The following GPR176 variants were observed in gnomAD, a reference collection of about 807,000 sequenced individuals.
GPR176 encodes G-protein coupled receptor 176.
Under a neutral mutation model 35.4 loss-of-function variants are expected in GPR176, and 26 were observed. The ratio of observed to expected loss-of-function variants is 0.74; its 90% CI spans 0.54 to 1.02. The LOEUF (loss-of-function observed/expected upper bound fraction) is 1.02, where lower values mean the gene tolerates loss of function less well. Among genes scored for constraint, GPR176 ranks in the 50% least tolerant of loss-of-function variants. The probability of loss-of-function intolerance (pLI) is 0.00; values close to 1 mark genes in which losing one functional copy is unlikely to be tolerated. For missense variants in GPR176, 597 were observed against 665.3 expected (o/e 0.90, Z 1.13); for synonymous variants, 278 against 271.3 (o/e 1.02, Z -0.24).
At chr15:39,860,331 G>C (rs1458051045) in intron 1 of GPR176, among the ~76,000 whole-genome samples, 2 of 152,206 alleles carry the variant, frequency 1.3e-5, no homozygotes, top group East Asian at 3.8e-4. Flanking sequence ...TCGATGCTGG[G>C]AAAAAGCACA....
intron 1 of GPR176, among the ~76,000 whole-genome samples, chr15:39,825,130 C>T (rs559339576): frequency 3.3e-5 from 5 of 152,280 alleles, no homozygotes; most frequent in Middle Eastern, 3.4e-3. Flanking sequence ...TCACTTGAGA[C>T]CAGGAGGCCA....
At position 39,807,014 on chromosome 15, in the gene GPR176, A is replaced by T; in HGVS notation, c.417T>A (p.Ala139=). ...SVTILSFPAI[A]LDRYYSVLYP... ...TGGCTACCTGATCTTACCTGTCCAAAGCAATAGCAGGGAAGCTGAGGATGG... is the reference window on the plus strand; with the variant it reads ...TGGCTACCTGATCTTACCTGTCCAATGCAATAGCAGGGAAGCTGAGGATGG... Residue 139 remains alanine (A), a synonymous_variant, in exon 2 of 3, where the codon GCT becomes GCA. Transcript: ENST00000561100. The T allele has an allele frequency of 6.2e-7, 1 of 1,612,378 alleles. No homozygotes were observed. The highest frequency in any genetic ancestry group is 8.5e-7 in the Non-Finnish European group (1 of 1,179,486).
chr15:39,866,511 T>C (rs926267588), intron 1 of GPR176, among the ~76,000 whole-genome samples: 3 of 152,198 alleles, frequency 2.0e-5, no homozygotes, highest in African/African-American at 7.2e-5. Context: ...ACAAAATGGA[T>C]AGTAAGAAAT....
At chr15:39,882,528 A>C (rs2032515490) in intron 1 of GPR176, among the ~76,000 whole-genome samples, 1 of 152,224 alleles carries the variant, frequency 6.6e-6, no homozygotes, top group Non-Finnish European at 1.5e-5. Context: ...GTAGGCAATA[A>C]TATAAATTGG....
chr15:39,867,172 G>A (rs1176028701), intron 1 of GPR176, among the ~76,000 whole-genome samples: 3 of 152,164 alleles, frequency 2.0e-5, no homozygotes, highest in African/African-American at 7.2e-5. Flanking sequence ...GCTATAAAGT[G>A]CAAAACGAAT....
rs1262561678 is a variant in GPR176 at position 39,920,006 on chromosome 15, C to T, written c.21G>A (p.Trp7Ter). The change falls in exon 1 of 3, where the codon TGG becomes TGA. Residue 7 changes from tryptophan to a stop codon, truncating the protein, a stop_gained. Transcript: ENST00000561100. LOFTEE classifies it high-confidence loss of function. Reference protein sequence around the residue: MGHNGSWISPNASEPHN... With the variant: MGHNGS Reference sequence around the variant, plus strand: ...GCGGCTCGCTGGCATTTGGAGAGATCCAGCTCCCGTTATGTCCCATGGCGA... The same window carrying T: ...GCGGCTCGCTGGCATTTGGAGAGATTCAGCTCCCGTTATGTCCCATGGCGA... 3.5e-6 allele frequency: 5 copies of T among 1,412,474 alleles called. No individual in the cohort carries two copies. Among genetic ancestry groups the T allele is most frequent in the Non-Finnish European group, 4.6e-6 (5 of 1,079,148 alleles). 87.5% of individuals were successfully genotyped at this position (1,412,474 alleles called of 1,614,324 possible). A position where few individuals can be genotyped will look rare whatever the true frequency, so the allele number is the denominator to read the frequency against.
intron 1 of GPR176, among the ~76,000 whole-genome samples, chr15:39,852,963 A>G (rs933292617): frequency 6.6e-6 from 1 of 152,208 alleles, no homozygotes; most frequent in African/African-American, 2.4e-5. Context: ...TACACTCTTG[A>G]TAACAATGTA....
intron 1 of GPR176, among the ~76,000 whole-genome samples, chr15:39,840,560 A>T (rs1005153592): frequency 6.6e-6 from 1 of 152,198 alleles, no homozygotes; most frequent in African/African-American, 2.4e-5. Flanking sequence ...GCAGCACACC[A>T]ATATGGCACA....
intron 1 of GPR176, among the ~76,000 whole-genome samples, chr15:39,878,139 G>C (rs896341336): frequency 3.7e-5 from 1 of 27,004 alleles, no homozygotes; most frequent in African/African-American, 1.0e-4. Flanking sequence ...TGTGTGTTGA[G>C]AACATTTAAG....
chr15:39,861,210 A>C (rs1312020241), intron 1 of GPR176, among the ~76,000 whole-genome samples: 2 of 152,184 alleles, frequency 1.3e-5, no homozygotes, highest in Non-Finnish European at 2.9e-5. Flanking sequence ...CTTTTTAGGA[A>C]CTACTTTACT....
At chr15:39,830,649 CTG>C (rs1336834754) in intron 1 of GPR176, among the ~76,000 whole-genome samples, 11 of 152,180 alleles carry the variant, frequency 7.2e-5, no homozygotes, top group African/African-American at 2.7e-4. Flanking sequence ...TGACTCTACT[CTG>C]TGTGCTAAAT....
intron 1 of GPR176, among the ~76,000 whole-genome samples, chr15:39,888,117 T>C (rs998707583): frequency 1.3e-5 from 2 of 152,224 alleles, no homozygotes; most frequent in African/African-American, 4.8e-5. Context: ...TCTAAATATT[T>C]ACTGTTCTTT....
intron 1 of GPR176, among the ~76,000 whole-genome samples, chr15:39,890,612 T>C (rs1444495376): frequency 1.3e-5 from 2 of 152,244 alleles, no homozygotes; most frequent in Non-Finnish European, 2.9e-5. Context: ...TGGCATTTAT[T>C]ATGTGCCAAG....
chr15:39,868,280 T>C (rs1372629298), intron 1 of GPR176, among the ~76,000 whole-genome samples: 3 of 152,218 alleles, frequency 2.0e-5, no homozygotes, highest in South Asian at 4.2e-4. Context: ...ATGTGACTGA[T>C]GGTCAGGAGC....
chr15:39,862,528 T>C (rs2031645020), intron 1 of GPR176: 1 of 152,166 alleles, frequency 6.6e-6, no homozygotes. Flanking sequence ...AATACAGTCA[T>C]GTGCCAAATA....
chr15:39,840,989 C>G (rs575219757), intron 1 of GPR176, among the ~76,000 whole-genome samples: 149 of 152,186 alleles, frequency 9.8e-4, no homozygotes, highest in Middle Eastern at 3.4e-3. Context: ...TTAATGGAAC[C>G]TGAACTTGAC....
At chr15:39,868,785 G>A (rs902802692) in intron 1 of GPR176, among the ~76,000 whole-genome samples, 2 of 152,124 alleles carry the variant, frequency 1.3e-5, no homozygotes, top group African/African-American at 4.8e-5. Context: ...CCTTGTGCAG[G>A]GGCTACCTGG....
At chr15:39,844,539 G>A (rs888551306) in intron 1 of GPR176, among the ~76,000 whole-genome samples, 1 of 151,700 alleles carries the variant, frequency 6.6e-6, no homozygotes, top group Non-Finnish European at 1.5e-5. Flanking sequence ...CTTTCAATCT[G>A]TTCCGAGGAC....
In GPR176 at chr15:39,847,742, CAAAAAAAAAAA is replaced by C. The variant is rs34896644; in HGVS notation, c.173-40495_173-40485del. Among the ~76,000 whole-genome samples, 102 of 68,836 alleles carry C rather than the reference CAAAAAAAAAAA, an allele frequency of 1.5e-3. No individual in the cohort carries two copies. In the South Asian group the frequency reaches 0.048, roughly 32 times the overall value. 45.2% of individuals were successfully genotyped at this position (68,836 alleles called of 152,430 possible). On this transcript the variant is annotated intron_variant, in intron 1 of 2. Coordinates refer to ENST00000561100, the MANE Select transcript of GPR176 (RefSeq NM_007223.3). ...TGGGTGACAAAGCGAGACTCTGTCT[CAAAAAAAAAAA>C]AAAAAAAAAAAGAAGTCATGGTTAT...
Sources: gnomAD v4.1 joint callset for allele counts (sites outside exome capture counted in the v4.1 genomes callset) on GRCh38, gnomAD v4.1.1 for gene constraint, MANE v1.5 for transcripts, NCBI Gene and HGNC (gene_info 2026-07-23, HGNC 2026-07-21) for gene names.